ATRNL1: variants seen among roughly 807,000 people sequenced by gnomAD.
ATRNL1 encodes attractin-like protein 1.
In ATRNL1, 95 loss-of-function variants were observed where a neutral mutation model predicts 182.7. The ratio of observed to expected loss-of-function variants is 0.52; its 90% CI spans 0.44 to 0.62. The LOEUF (loss-of-function observed/expected upper bound fraction) is 0.62. Among genes scored for constraint, ATRNL1 ranks in the 20% least tolerant of loss-of-function variants. The pLI is 0.00. For synonymous variants in ATRNL1, 576 were observed against 568.3 expected, an observed-to-expected ratio of 1.01 and a Z score of -0.19; for missense variants, 1,471 against 1,679.5, an observed-to-expected ratio of 0.88 and a Z score of 2.17.
At chr10:115,849,716 AG>A (rs1555099953) in intron 28 of ATRNL1, among the ~76,000 whole-genome samples, 1 of 152,052 alleles carries the variant, frequency 6.6e-6, no homozygotes. Flanking sequence ...AAATGAGGGG[AG>A]TGAGACGTAG....
At chr10:115,359,266 CTCACTATTAGG>C (rs1856634009) in intron 19 of ATRNL1, among the ~76,000 whole-genome samples, 1 of 151,560 alleles carries the variant, frequency 6.6e-6, no homozygotes, top group African/African-American at 2.4e-5. Flanking sequence ...TTCTTGTATG[CTCACTATTAGG>C]TAGTACTGTA....
intron 27 of ATRNL1, among the ~76,000 whole-genome samples, chr10:115,785,927 A>G (rs2134199663): frequency 6.6e-6 from 1 of 152,290 alleles, no homozygotes; most frequent in East Asian, 1.9e-4. Flanking sequence ...TCATTTCTTT[A>G]TAACAAGCAC....
At chr10:115,816,752 C>T (rs782083299) in intron 27 of ATRNL1, among the ~76,000 whole-genome samples, 5 of 152,120 alleles carry the variant, frequency 3.3e-5, no homozygotes, top group South Asian at 4.2e-4. Context: ...TGTTTCTTCA[C>T]GTAATGCCTG....
At chr10:115,300,651 T>C (rs1485229941) in intron 16 of ATRNL1, among the ~76,000 whole-genome samples, 6 of 152,194 alleles carry the variant, frequency 3.9e-5, no homozygotes, top group African/African-American at 1.2e-4. Flanking sequence ...TTACATCTTC[T>C]GAAATGGATT....
intron 24 of ATRNL1, among the ~76,000 whole-genome samples, chr10:115,491,951 C>T (rs191848970): frequency 1.4e-3 from 218 of 152,224 alleles, no homozygotes; most frequent in African/African-American, 4.8e-3. Flanking sequence ...GCCTGGAGTG[C>T]GCTGTTCCTC....
At chr10:115,630,335 T>A (rs1444211873) in intron 26 of ATRNL1, among the ~76,000 whole-genome samples, 2 of 152,054 alleles carry the variant, frequency 1.3e-5, no homozygotes, top group African/African-American at 4.8e-5. Flanking sequence ...TCTGATAGGA[T>A]GCCTGTTATC....
chr10:115,302,886 C>T (rs1351808079), intron 17 of ATRNL1, among the ~76,000 whole-genome samples: 1 of 152,106 alleles, frequency 6.6e-6, no homozygotes, highest in Non-Finnish European at 1.5e-5. Flanking sequence ...TCTTAGCTAG[C>T]TTCTTCATAG....
chr10:115,680,816 G>A (rs1357604864), intron 26 of ATRNL1, among the ~76,000 whole-genome samples: 1 of 152,070 alleles, frequency 6.6e-6, no homozygotes, highest in Non-Finnish European at 1.5e-5. Context: ...GAAAACAAGT[G>A]GTATCCTTGA....
At chr10:115,747,323 A>G (rs782423728) in intron 27 of ATRNL1, among the ~76,000 whole-genome samples, 1 of 152,114 alleles carries the variant, frequency 6.6e-6, no homozygotes, top group Non-Finnish European at 1.5e-5. Context: ...TCATTCTTCC[A>G]AATAGCTGAT....
chr10:115,522,513 C>T (rs1430343918), intron 25 of ATRNL1, among the ~76,000 whole-genome samples: 9 of 152,304 alleles, frequency 5.9e-5, no homozygotes, highest in South Asian at 2.1e-4. Context: ...CAATCTCCAA[C>T]GATGGGTATC....
chr10:115,663,465 C>A (rs573251542), intron 26 of ATRNL1, among the ~76,000 whole-genome samples: 1 of 152,110 alleles, frequency 6.6e-6, no homozygotes, highest in East Asian at 1.9e-4. Flanking sequence ...GTGCTTAGAA[C>A]AGCTGTAGGA....
chr10:115,529,132 G>T (rs1279379696), intron 25 of ATRNL1, among the ~76,000 whole-genome samples: 3 of 151,896 alleles, frequency 2.0e-5, no homozygotes, highest in African/African-American at 7.2e-5. Context: ...GATCTTGGTG[G>T]TTTATTGCAT....
chr10:115,403,987 T>C (rs1844704926), intron 20 of ATRNL1, among the ~76,000 whole-genome samples: 1 of 152,338 alleles, frequency 6.6e-6, no homozygotes, highest in Non-Finnish European at 1.5e-5. Context: ...CGCATGTTAC[T>C]CATGTTAAGG....
intron 7 of ATRNL1, among the ~76,000 whole-genome samples, chr10:115,167,125 C>T (rs1443477046): frequency 2.0e-5 from 3 of 151,802 alleles, no homozygotes; most frequent in East Asian, 1.9e-4. Context: ...TAGCCAGTTT[C>T]CCCAACATCG....
chr10:115,625,782 G>A (rs148941827), intron 26 of ATRNL1, among the ~76,000 whole-genome samples: 85 of 152,046 alleles, frequency 5.6e-4, no homozygotes, highest in East Asian at 2.3e-3. Flanking sequence ...ATGCCAAGGC[G>A]CATAGGAATG....
At chr10:115,642,514 G>T (rs1859321584) in intron 26 of ATRNL1, among the ~76,000 whole-genome samples, 1 of 151,554 alleles carries the variant, frequency 6.6e-6, no homozygotes, top group South Asian at 2.1e-4. Flanking sequence ...AGCAATCTTG[G>T]CTCACTGCAA....
At position 115,567,956 on chromosome 10, in the gene ATRNL1, A is replaced by G. The variant is rs1241782874; in HGVS notation, c.3795+18420A>G. Among the ~76,000 whole-genome samples, 7 of 152,220 alleles carry G rather than the reference A, an allele frequency of 4.6e-5. No individual in the cohort carries two copies. The East Asian group carries it at 1.4e-3, about 29-fold the overall frequency. ...TGAAATATTTGGTGGTAGCCTGAGT[A>G]CTGTCATCCTTTATCTAGTTGTTAT... On this transcript the variant is annotated intron_variant, in intron 26 of 28. Transcript: ENST00000355044.
intron 8 of ATRNL1, among the ~76,000 whole-genome samples, chr10:115,175,952 C>T (rs1847487775): frequency 6.6e-6 from 1 of 152,150 alleles, no homozygotes; most frequent in African/African-American, 2.4e-5. Flanking sequence ...CCTGTTTCTC[C>T]ACATCCTCTC....
intron 8 of ATRNL1, among the ~76,000 whole-genome samples, chr10:115,199,027 A>T (rs1027163064): frequency 3.3e-5 from 5 of 152,176 alleles, no homozygotes; most frequent in Admixed American, 2.0e-4. Context: ...TTTTTAAAAA[A>T]TTTTTTGTGA....
Sources: gnomAD v4.1 joint callset for allele counts (sites outside exome capture counted in the v4.1 genomes callset) on GRCh38, gnomAD v4.1.1 for gene constraint, MANE v1.5 for transcripts, NCBI Gene and HGNC (gene_info 2026-07-23, HGNC 2026-07-21) for gene names.